RABGAP1L: variants seen among roughly 807,000 people sequenced by gnomAD.
The protein encoded by RABGAP1L is rab GTPase-activating protein 1-like.
In RABGAP1L, 63 loss-of-function variants were observed where a neutral mutation model predicts 137.7. The ratio of observed to expected loss-of-function variants is 0.46; its 90% CI spans 0.37 to 0.56. RABGAP1L has a LOEUF of 0.56. Among genes scored for constraint, RABGAP1L ranks in the 20% least tolerant of loss-of-function variants. The probability of loss-of-function intolerance (pLI) is 0.00; values close to 1 mark genes in which losing one functional copy is unlikely to be tolerated. For missense variants in RABGAP1L, 1,095 were observed against 1,244.0 expected (o/e 0.88, Z 1.80); for synonymous variants, 431 against 433.7 (o/e 0.99, Z 0.08).
chr1:174,764,187 C>T (rs1685481919), intron 18 of RABGAP1L, among the ~76,000 whole-genome samples: 1 of 151,948 alleles, frequency 6.6e-6, no homozygotes, highest in African/African-American at 2.4e-5. Flanking sequence ...TCAAATGTAC[C>T]ACATTTTATT....
intron 13 of RABGAP1L, among the ~76,000 whole-genome samples, chr1:174,445,077 GTATA>G (rs1255604566): frequency 6.6e-6 from 1 of 152,064 alleles, no homozygotes; most frequent in Non-Finnish European, 1.5e-5. Flanking sequence ...TAAAGGAAAA[GTATA>G]TAATGCACAC....
intron 15 of RABGAP1L, among the ~76,000 whole-genome samples, chr1:174,694,009 C>A (rs1006164838): frequency 1.3e-5 from 2 of 151,854 alleles, no homozygotes; most frequent in South Asian, 4.1e-4. Context: ...AACAGTGTAA[C>A]AAGTAAAAAT....
chr1:174,888,445 T>C (rs1237391591), intron 19 of RABGAP1L, among the ~76,000 whole-genome samples: 1 of 152,222 alleles, frequency 6.6e-6, no homozygotes, highest in Non-Finnish European at 1.5e-5. Context: ...GAAATCTTGA[T>C]CATGCCTTCC....
chr1:174,618,874 A>G (rs1048775252), intron 13 of RABGAP1L, among the ~76,000 whole-genome samples: 3 of 152,246 alleles, frequency 2.0e-5, no homozygotes, highest in South Asian at 2.1e-4. Context: ...CCAAAGGCAA[A>G]GAAGTTAAAA....
intron 17 of RABGAP1L, among the ~76,000 whole-genome samples, chr1:174,727,572 T>C (rs1682091271): frequency 6.6e-6 from 1 of 152,198 alleles, no homozygotes; most frequent in African/African-American, 2.4e-5. Context: ...GGTATAAAAT[T>C]ACAATTAGAA....
intron 13 of RABGAP1L, among the ~76,000 whole-genome samples, chr1:174,622,103 A>T (rs1051528352): frequency 6.6e-6 from 1 of 152,256 alleles, no homozygotes; most frequent in South Asian, 2.1e-4. Context: ...ACATGAAAAA[A>T]TGCTCATCAT....
chr1:174,612,950 C>T (rs866156743), intron 13 of RABGAP1L, among the ~76,000 whole-genome samples: 3,143 of 151,122 alleles, frequency 0.021, 54 homozygotes, highest in Middle Eastern at 0.082. Context: ...TCTCTCTTTT[C>T]TTCTTTATTA....
intron 19 of RABGAP1L, among the ~76,000 whole-genome samples, chr1:174,946,940 A>ATATGTG (rs1341510730): frequency 8.2e-5 from 5 of 60,938 alleles, no homozygotes; most frequent in Non-Finnish European, 8.3e-5. Context: ...ATATATATAT[A>ATATGTG]TGTGTGTGTG....
chr1:174,834,058 AT>A (rs774397083), intron 19 of RABGAP1L, among the ~76,000 whole-genome samples: 1 of 152,208 alleles, frequency 6.6e-6, no homozygotes, highest in Non-Finnish European at 1.5e-5. Context: ...AAAATTTTTA[AT>A]GTGTGGCTTA....
intron 10 of RABGAP1L, among the ~76,000 whole-genome samples, chr1:174,281,095 C>G (rs1449514003): frequency 6.6e-6 from 1 of 152,152 alleles, no homozygotes; most frequent in South Asian, 2.1e-4. Flanking sequence ...GTGAGTGTTA[C>G]AGCTCATAAA....
chr1:174,560,137 A>G (rs951963219), intron 13 of RABGAP1L, among the ~76,000 whole-genome samples: 8 of 145,756 alleles, frequency 5.5e-5, no homozygotes, highest in African/African-American at 2.1e-4. Flanking sequence ...CTGTCTCAGA[A>G]AAAAAAAAAA....
At chr1:174,602,730 A>G (rs1572469763) in intron 13 of RABGAP1L, among the ~76,000 whole-genome samples, 2 of 152,162 alleles carry the variant, frequency 1.3e-5, no homozygotes, top group East Asian at 3.9e-4. Context: ...CTATTGAGAG[A>G]CTGATACATT....
At position 174,824,816 on chromosome 1, in the gene RABGAP1L, A is replaced by AT. The variant is rs1302930457; in HGVS notation, c.2340+12866dup. On this transcript the variant is annotated intron_variant, in intron 19 of 25. Coordinates refer to ENST00000681986, the MANE Select transcript of RABGAP1L (RefSeq NM_001366446.1). ...TCTCCCCTACTGTTCCTAAAAAAAA[A>AT]TTTTTTTTTTGAAATGGTGGCAGCA... Among the ~76,000 whole-genome samples the AT allele has an allele frequency of 1.6e-4, 24 of 150,692 alleles. No individual in the cohort carries two copies. In the East Asian group the frequency reaches 1.7e-3, roughly 11 times the overall value.
chr1:174,791,284 A>G (rs1384447303), intron 18 of RABGAP1L, among the ~76,000 whole-genome samples: 2 of 152,222 alleles, frequency 1.3e-5, no homozygotes, highest in East Asian at 1.9e-4. Flanking sequence ...GTTGGCCCAT[A>G]TAACTCCTCC....
chr1:174,342,013 A>T (rs948801667), intron 11 of RABGAP1L, among the ~76,000 whole-genome samples: 2 of 152,148 alleles, frequency 1.3e-5, no homozygotes, highest in Admixed American at 1.3e-4. Flanking sequence ...CTTAATTTTT[A>T]AAATCTTTCA....
chr1:174,794,399 A>C (rs566695009), intron 18 of RABGAP1L, among the ~76,000 whole-genome samples: 2 of 152,100 alleles, frequency 1.3e-5, no homozygotes, highest in Non-Finnish European at 2.9e-5. Flanking sequence ...CTTTTCTTCT[A>C]TGTGATTTCC....
intron 14 of RABGAP1L, among the ~76,000 whole-genome samples, chr1:174,655,341 T>A (rs1436940576): frequency 6.6e-6 from 1 of 152,206 alleles, no homozygotes; most frequent in East Asian, 1.9e-4. Context: ...ACTCTTTCAT[T>A]CACTTTCTTG....
Position 174,991,406 on chromosome 1 carries a change from A to G in RABGAP1L, c.*1405A>G, listed in dbSNP as rs1475275973. 1 of 152,232 alleles carries G rather than the reference A, an allele frequency of 6.6e-6. No individual in the cohort carries two copies. Among genetic ancestry groups the G allele is most frequent in the Non-Finnish European group, 1.5e-5 (1 of 68,048 alleles). 9.4% of individuals were successfully genotyped at this position (152,232 alleles called of 1,614,324 possible). ...GAATCTTAAACTCTGTAGTGCCAGA[A>G]TGATTCTCATCTGTGCCATATTTTG... On this transcript the variant is annotated 3_prime_UTR_variant, in exon 26 of 26. Transcript: ENST00000681986.
intron 13 of RABGAP1L, among the ~76,000 whole-genome samples, chr1:174,619,070 CGAGAA>C (rs1553214770): frequency 6.6e-6 from 1 of 151,868 alleles, no homozygotes; most frequent in Non-Finnish European, 1.5e-5. Context: ...TGAAATGAAG[CGAGAA>C]GAGAAGTTTA....
Sources: gnomAD v4.1 joint callset for allele counts (sites outside exome capture counted in the v4.1 genomes callset) on GRCh38, gnomAD v4.1.1 for gene constraint, MANE v1.5 for transcripts, NCBI Gene and HGNC (gene_info 2026-07-23, HGNC 2026-07-21) for gene names.